Variants in EFHC1 observed in about 807,000 individuals in gnomAD.
EFHC1 encodes EF-hand domain containing 1.
Under a neutral mutation model 69.9 loss-of-function variants are expected in EFHC1, and 53 were observed. The observed-to-expected ratio is 0.76, with a 90% CI of 0.61 to 0.95. EFHC1 has a LOEUF of 0.95. EFHC1 is among the 40% of genes least tolerant of loss of function. The pLI is 0.00. For missense variants in EFHC1, 739 were observed against 798.7 expected, an observed-to-expected ratio of 0.93 and a Z score of 0.90; for synonymous variants, 256 against 278.4, an observed-to-expected ratio of 0.92 and a Z score of 0.80.
chr6:52,479,353 C>A, intron 8 of EFHC1, 103 bp downstream of exon 8: 2 of 1,268,776 alleles, frequency 1.6e-6, no homozygotes, highest in Non-Finnish European at 2.3e-6. Flanking sequence ...GATTGTATTG[C>A]AACTGAGATA....
At chr6:52,453,762 T>TA in intron 4 of EFHC1, 1 of 1,240,902 alleles carries the variant, frequency 8.1e-7, no homozygotes, top group African/African-American at 1.6e-5. Context: ...CCTTTATTAA[T>TA]ATATATATAC....
chr6:52,483,042 T>TA, intron 9 of EFHC1: 1 of 393,038 alleles, frequency 2.5e-6, no homozygotes. Flanking sequence ...GCGTGAACTA[T>TA]AAAACAAATA....
At position 52,494,698 on chromosome 6, in the gene EFHC1, C is replaced by T; in HGVS notation, c.*2357C>T. ...GTTTTTCCACACATACCCCCTCCTT[C>T]CCTTCCCACTCTGGTAGTCCCCAGT... On this transcript the variant is annotated 3_prime_UTR_variant, in exon 11 of 11. Coordinates refer to ENST00000371068, the MANE Select transcript of EFHC1 (RefSeq NM_018100.4). 2.2e-6 allele frequency: 1 copy of T among 454,090 alleles called. No individual in the cohort carries two copies. The highest frequency in any genetic ancestry group is 4.4e-6 in the Non-Finnish European group (1 of 226,788). 28.1% of individuals were successfully genotyped at this position (454,090 alleles called of 1,614,324 possible). A position where few individuals can be genotyped will look rare whatever the true frequency, so the allele number is the denominator to read the frequency against.
intron 5 of EFHC1, among the ~76,000 whole-genome samples, chr6:52,460,073 C>T (rs1765131403): frequency 6.6e-6 from 1 of 152,176 alleles, no homozygotes; most frequent in African/African-American, 2.4e-5. Context: ...TATGTCCACA[C>T]AGAAACTTAT....
In EFHC1 at chr6:52,459,661, T is replaced by TTTTG. The variant is rs546127402; in HGVS notation, c.917-5210_917-5207dup. Among the ~76,000 whole-genome samples the TTTTG allele has an allele frequency of 2.1e-3, 311 of 150,052 alleles. 2 individuals carry two copies. The highest frequency in any genetic ancestry group is 6.8e-3 in the Middle Eastern group (2 of 294). On this transcript the variant is annotated intron_variant, in intron 5 of 10. Coordinates refer to ENST00000371068, the MANE Select transcript of EFHC1 (RefSeq NM_018100.4). The stretch of plus-strand genomic sequence containing the variant: ...AAAAATAGCGTGACAGGTTTTTTTG[T>TTTTG]TTTGTTTGTTTGTTTGTTTGTTTGT...
At chr6:52,448,904 G>C (rs1209231066) in intron 3 of EFHC1, among the ~76,000 whole-genome samples, 1 of 152,130 alleles carries the variant, frequency 6.6e-6, no homozygotes, top group African/African-American at 2.4e-5. Flanking sequence ...ATGTGCTTCT[G>C]GATTCAGTTT....
At chr6:52,445,448 C>T (rs976061865) in intron 3 of EFHC1, among the ~76,000 whole-genome samples, 1 of 148,340 alleles carries the variant, frequency 6.7e-6, no homozygotes, top group Non-Finnish European at 1.5e-5. Context: ...GTCCCTCCCC[C>T]CTCCCCCTAC....
intron 5 of EFHC1, among the ~76,000 whole-genome samples, chr6:52,464,477 A>G (rs1018008431): frequency 3.9e-5 from 6 of 152,210 alleles, no homozygotes; most frequent in Admixed American, 1.3e-4. Context: ...TACCTAGTAC[A>G]TGATATAGAT....
At chr6:52,450,465 T>G (rs922993120) in intron 3 of EFHC1, among the ~76,000 whole-genome samples, 1 of 152,232 alleles carries the variant, frequency 6.6e-6, no homozygotes, top group Non-Finnish European at 1.5e-5. Context: ...TCTAAGAACT[T>G]GCTTTATGAA....
At chr6:52,428,047 C>T (rs1442665929) in intron 2 of EFHC1, among the ~76,000 whole-genome samples, 1 of 152,086 alleles carries the variant, frequency 6.6e-6, no homozygotes, top group African/African-American at 2.4e-5. Context: ...ACATGATAAT[C>T]AGGAGCCCAG....
intron 2 of EFHC1, among the ~76,000 whole-genome samples, chr6:52,430,567 CGTG>C (rs1764393559): frequency 6.6e-6 from 1 of 152,054 alleles, no homozygotes; most frequent in Non-Finnish European, 1.5e-5. Context: ...ACCACTTAAT[CGTG>C]GTGGATTATC....
chr6:52,445,394 AC>A (rs1764759720), intron 3 of EFHC1, among the ~76,000 whole-genome samples: 1 of 151,676 alleles, frequency 6.6e-6, no homozygotes, highest in African/African-American at 2.4e-5. Flanking sequence ...AGTGTGCTGC[AC>A]CCACTAACTT....
intron 7 of EFHC1, among the ~76,000 whole-genome samples, chr6:52,472,466 A>G (rs1427920081): frequency 6.6e-6 from 1 of 152,224 alleles, no homozygotes; most frequent in East Asian, 1.9e-4. Flanking sequence ...TCTACCTTCT[A>G]CATTAGGGAA....
chr6:52,434,826 C>G (rs951134653), intron 2 of EFHC1, among the ~76,000 whole-genome samples: 1 of 151,918 alleles, frequency 6.6e-6, no homozygotes, highest in African/African-American at 2.4e-5. Flanking sequence ...AGATAAGTGC[C>G]TTTTAAAAAT....
chr6:52,467,753 T>C (rs988886022), intron 6 of EFHC1, among the ~76,000 whole-genome samples: 1 of 152,218 alleles, frequency 6.6e-6, no homozygotes, highest in African/African-American at 2.4e-5. Flanking sequence ...GTCAGTTTCT[T>C]TCCCGTACTT....
At chr6:52,436,075 T>G (rs989546171) in intron 2 of EFHC1, among the ~76,000 whole-genome samples, 1 of 152,236 alleles carries the variant, frequency 6.6e-6, no homozygotes, top group African/African-American at 2.4e-5. Context: ...CAGTTCAGCT[T>G]TAACATTTTA....
intron 2 of EFHC1, chr6:52,430,102 C>G (rs1335113221): frequency 2.0e-5 from 3 of 151,952 alleles, no homozygotes; most frequent in Non-Finnish European, 4.4e-5. Flanking sequence ...GTTCTAGGAG[C>G]TTTCTGGAGG....
chr6:52,421,011 C>T, intron 1 of EFHC1: 2 of 1,016,082 alleles, frequency 2.0e-6, no homozygotes, highest in South Asian at 3.7e-5. Context: ...ATCTCCCACT[C>T]CCAGCTCCAT....
chr6:52,448,223 G>T (rs1764832818), intron 3 of EFHC1, among the ~76,000 whole-genome samples: 1 of 152,224 alleles, frequency 6.6e-6, no homozygotes, highest in Non-Finnish European at 1.5e-5. Context: ...GCTCCACCCA[G>T]TTCGAGCTTC....
Sources: allele counts gnomAD v4.1 joint callset (sites outside exome capture counted in the v4.1 genomes callset), GRCh38; gene constraint gnomAD v4.1.1; transcripts MANE v1.5; gene names NCBI Gene and HGNC (gene_info 2026-07-23, HGNC 2026-07-21).